PALM2AKAP2: variants seen among roughly 807,000 people sequenced by gnomAD.
PALM2AKAP2 encodes PALM2 and AKAP2 fusion, also known as PALM2-AKAP2 fusion protein.
A neutral mutation model predicts 71.5 loss-of-function variants in PALM2AKAP2; 37 were observed. The observed-to-expected ratio is 0.52, with a 90% CI of 0.40 to 0.68. The LOEUF is 0.68. Ranked by LOEUF, PALM2AKAP2 falls within the 30% of genes least tolerant of loss-of-function variation. The pLI is 0.00. For missense variants in PALM2AKAP2, 1,224 were observed against 1,191.8 expected (o/e 1.03, Z -0.40); for synonymous variants, 468 against 478.8 (o/e 0.98, Z 0.29).
intron 6 of PALM2AKAP2, among the ~76,000 whole-genome samples, chr9:109,996,049 C>A (rs1588049881): frequency 6.6e-6 from 1 of 152,182 alleles, no homozygotes; most frequent in Non-Finnish European, 1.5e-5. Flanking sequence ...GGGTAGCTGA[C>A]CCTTCCAAGA....
intron 1 of PALM2AKAP2, among the ~76,000 whole-genome samples, chr9:110,119,328 C>T (rs1285873673): frequency 2.5e-5 from 3 of 121,078 alleles, no homozygotes; most frequent in African/African-American, 6.7e-5. Context: ...GGTGACAGAG[C>T]GAGACTCCAT....
chr9:109,671,430 C>G (rs1308690296), intron 1 of PALM2AKAP2, among the ~76,000 whole-genome samples: 5 of 151,862 alleles, frequency 3.3e-5, no homozygotes, highest in Non-Finnish European at 7.4e-5. Flanking sequence ...CAGTCTTATT[C>G]TTGGGTTCTG....
chr9:110,137,914 T>C, exon 2 of PALM2AKAP2: 1 of 1,614,198 alleles, frequency 6.2e-7, no homozygotes, highest in Non-Finnish European at 8.5e-7. Context: ...TGGGGGACTC[T>C]CCGTTGGTTG....
At position 110,155,833 on chromosome 9, in the gene PALM2AKAP2, T is replaced by A. The variant is rs549073582; in HGVS notation, c.2570-486T>A. ...TCAGCAGACAATTGACTTCCTCTGCTATAGAGGATAGACCCTGGTGAGGAA... is the reference window on the plus strand; with the variant it reads ...TCAGCAGACAATTGACTTCCTCTGCAATAGAGGATAGACCCTGGTGAGGAA... On this transcript the variant is annotated intron_variant, in intron 2 of 3. Coordinates refer to ENST00000374525, the Ensembl canonical transcript of PALM2AKAP2. 1.1e-3 allele frequency among the ~76,000 whole-genome samples: 169 copies of A among 152,322 alleles called. 1 individual carries two copies. Among genetic ancestry groups the A allele is most frequent in the African/African-American group, 3.8e-3 (160 of 41,570 alleles).
chr9:109,834,198 G>C (rs1828389294), intron 1 of PALM2AKAP2, among the ~76,000 whole-genome samples: 1 of 152,202 alleles, frequency 6.6e-6, no homozygotes, highest in Non-Finnish European at 1.5e-5. Context: ...GGGTGACAGA[G>C]CGAGACTCCA....
intron 1 of PALM2AKAP2, among the ~76,000 whole-genome samples, chr9:109,827,202 G>A (rs1160454074): frequency 6.6e-6 from 1 of 152,218 alleles, no homozygotes; most frequent in South Asian, 2.1e-4. Flanking sequence ...AAAGAAAGAA[G>A]TAGGTGGAGC....
intron 1 of PALM2AKAP2, among the ~76,000 whole-genome samples, chr9:110,092,157 C>T (rs1834729301): frequency 6.6e-6 from 1 of 152,122 alleles, no homozygotes; most frequent in Non-Finnish European, 1.5e-5. Context: ...CATAGTGAAA[C>T]TCCGTATCTA....
chr9:109,681,259 C>T (rs1341135727), intron 1 of PALM2AKAP2, among the ~76,000 whole-genome samples: 2 of 152,236 alleles, frequency 1.3e-5, no homozygotes, highest in African/African-American at 4.8e-5. Context: ...AGCTTTTTAA[C>T]ATCCTGTTAG....
intron 6 of PALM2AKAP2, among the ~76,000 whole-genome samples, chr9:109,948,599 G>A (rs944061371): frequency 1.3e-5 from 2 of 152,132 alleles, no homozygotes; most frequent in Non-Finnish European, 2.9e-5. Context: ...TTTACAGGTT[G>A]AGGTATAAAG....
chr9:109,816,775 C>T (rs1827865185), intron 1 of PALM2AKAP2, among the ~76,000 whole-genome samples: 1 of 152,050 alleles, frequency 6.6e-6, no homozygotes, highest in African/African-American at 2.4e-5. Flanking sequence ...AGAGAGGGAA[C>T]AAGGGAACAG....
intron 1 of PALM2AKAP2, among the ~76,000 whole-genome samples, chr9:110,133,475 C>T (rs1201926601): frequency 6.6e-6 from 1 of 152,124 alleles, no homozygotes; most frequent in Non-Finnish European, 1.5e-5. Flanking sequence ...ATAACCTCCC[C>T]TCATGTTTAA....
At chr9:110,146,784 G>A (rs138288835) in intron 2 of PALM2AKAP2, among the ~76,000 whole-genome samples, 4 of 152,286 alleles carry the variant, frequency 2.6e-5, no homozygotes, top group Admixed American at 6.5e-5. Flanking sequence ...GAGGTGAGGT[G>A]GGGCAGGGAG....
chr9:109,793,510 G>T (rs533269161), intron 1 of PALM2AKAP2, among the ~76,000 whole-genome samples: 1 of 152,338 alleles, frequency 6.6e-6, no homozygotes, highest in Middle Eastern at 3.4e-3. Flanking sequence ...TTGGTGGAGA[G>T]TGGTGTGATG....
intron 5 of PALM2AKAP2, among the ~76,000 whole-genome samples, chr9:109,927,607 G>T (rs1024094974): frequency 2.6e-5 from 4 of 152,140 alleles, no homozygotes; most frequent in South Asian, 2.1e-4. Flanking sequence ...GTCCCTCTAT[G>T]CATGGCAGAG....
intron 7 of PALM2AKAP2, among the ~76,000 whole-genome samples, chr9:110,024,713 G>A (rs1437260485): frequency 6.6e-6 from 1 of 151,694 alleles, no homozygotes; most frequent in African/African-American, 2.4e-5. Context: ...GAGTCTAGGA[G>A]GTAGAGAGTG....
At chr9:109,819,773 C>T (rs1298774173) in intron 1 of PALM2AKAP2, among the ~76,000 whole-genome samples, 1 of 151,844 alleles carries the variant, frequency 6.6e-6, no homozygotes, top group Non-Finnish European at 1.5e-5. Context: ...CTCCATAGCA[C>T]TGCATATACA....
At chr9:109,770,921 A>G (rs1281316333) in intron 1 of PALM2AKAP2, among the ~76,000 whole-genome samples, 4 of 152,250 alleles carry the variant, frequency 2.6e-5, no homozygotes, top group African/African-American at 9.6e-5. Flanking sequence ...TGAAATGAAT[A>G]CTATTGTATT....
intron 1 of PALM2AKAP2, among the ~76,000 whole-genome samples, chr9:109,861,691 C>T (rs980891864): frequency 2.0e-5 from 3 of 152,176 alleles, no homozygotes; most frequent in Non-Finnish European, 4.4e-5. Context: ...CCGCCTTTCT[C>T]CCCAGAATAA....
Position 110,052,724 on chromosome 9 carries a change from C to T in PALM2AKAP2, c.156+3869C>T, listed in dbSNP as rs111938388. ...AGATGTAACCCCTGGTTAGCTATTCCGTCTTCTTGCCTTGATGGGTTGACT... is the reference window on the plus strand; with the variant it reads ...AGATGTAACCCCTGGTTAGCTATTCTGTCTTCTTGCCTTGATGGGTTGACT... On this transcript the variant is annotated intron_variant, in intron 1 of 3. Coordinates refer to ENST00000374525, the Ensembl canonical transcript of PALM2AKAP2. Among the ~76,000 whole-genome samples, 989 of 152,298 alleles carry T rather than the reference C, an allele frequency of 6.5e-3. 12 individuals are homozygous for T. The highest frequency in any genetic ancestry group is 0.047 in the South Asian group (225 of 4,828).
Sources: allele counts gnomAD v4.1 joint callset (sites outside exome capture counted in the v4.1 genomes callset), GRCh38; gene constraint gnomAD v4.1.1; transcripts MANE v1.5; gene names NCBI Gene and HGNC (gene_info 2026-07-23, HGNC 2026-07-21).